The following RGS6 variants were observed in gnomAD, a reference collection of about 807,000 sequenced individuals.
RGS6 encodes regulator of G protein signaling 6, also known as regulator of G-protein signaling 6.
RGS6 carries 30 observed loss-of-function variants against 78.5 expected under a neutral mutation model. The ratio of observed to expected loss-of-function variants is 0.38; its 90% CI spans 0.29 to 0.52. The LOEUF (loss-of-function observed/expected upper bound fraction) is 0.52, where lower values mean the gene tolerates loss of function less well. Among genes scored for constraint, RGS6 ranks in the 20% least tolerant of loss-of-function variants. The probability of loss-of-function intolerance (pLI) is 0.85; values close to 1 mark genes in which losing one functional copy is unlikely to be tolerated. For missense variants in RGS6, 495 were observed against 609.7 expected, an observed-to-expected ratio of 0.81 and a Z score of 1.98; for synonymous variants, 206 against 206.0, an observed-to-expected ratio of 1.00 and a Z score of 0.00.
At chr14:71,956,039 G>C (rs1403027872) in intron 1 of RGS6, among the ~76,000 whole-genome samples, 2 of 152,188 alleles carry the variant, frequency 1.3e-5, no homozygotes, top group African/African-American at 4.8e-5. Flanking sequence ...TTAAATATGA[G>C]CTGGGAAAAG....
At chr14:72,444,198 TAAC>T (rs1463088277) in intron 3 of RGS6, among the ~76,000 whole-genome samples, 3 of 152,148 alleles carry the variant, frequency 2.0e-5, no homozygotes, top group Non-Finnish European at 4.4e-5. Flanking sequence ...TCAGGTGAGA[TAAC>T]AAACCAGGGG....
At chr14:71,944,015 G>T in intron 1 of RGS6, among the ~76,000 whole-genome samples, 1 of 152,188 alleles carries the variant, frequency 6.6e-6, no homozygotes, top group Non-Finnish European at 1.5e-5. Context: ...TAGTGAGACT[G>T]TCATCCTAGT....
intron 3 of RGS6, among the ~76,000 whole-genome samples, chr14:72,409,831 G>C (rs1279914655): frequency 6.6e-6 from 1 of 151,934 alleles, no homozygotes; most frequent in Non-Finnish European, 1.5e-5. Flanking sequence ...TTTTGTTCTT[G>C]CAATAGTTTG....
chr14:72,548,080 A>G (rs370953772), intron 17 of RGS6, among the ~76,000 whole-genome samples: 2 of 151,860 alleles, frequency 1.3e-5, no homozygotes, highest in African/African-American at 4.8e-5. Flanking sequence ...ATGGCAGGGG[A>G]GAGGGTGTAT....
At chr14:72,625,127 T>G in the RGS6 span, among the ~76,000 whole-genome samples, 1 of 152,154 alleles carries the variant, frequency 6.6e-6, no homozygotes, top group Admixed American at 6.5e-5. Context: ...CATCATACTT[T>G]TGCCCACTAA....
chr14:72,509,367 G>GAA (rs574286198), intron 13 of RGS6, among the ~76,000 whole-genome samples: 2,168 of 113,438 alleles, frequency 0.019, 37 homozygotes, highest in African/African-American at 0.053. Context: ...TCCATCTCAA[G>GAA]AAAAAAAAAA....
rs770467490 is a variant in RGS6, at chr14:72,536,175, T to C, written c.1279-11T>C. Reference sequence around the variant, plus strand: ...CCCTTCCTTGTGTCTCCTTGTCACCTTCCTCCCCAGGAGCACATCTACAAG... The same window carrying C: ...CCCTTCCTTGTGTCTCCTTGTCACCCTCCTCCCCAGGAGCACATCTACAAG... On this transcript the variant is annotated splice_polypyrimidine_tract_variant and intron_variant, in intron 15 of 17. Coordinates refer to ENST00000553525, the MANE Select transcript of RGS6 (RefSeq NM_001204424.2). 2 of 1,607,306 alleles carry C rather than the reference T, an allele frequency of 1.2e-6. No homozygotes were observed. The highest frequency in any genetic ancestry group is 1.7e-6 in the Non-Finnish European group (2 of 1,174,148).
intron 17 of RGS6, among the ~76,000 whole-genome samples, chr14:72,545,611 T>G (rs1207837264): frequency 6.6e-6 from 1 of 152,200 alleles, no homozygotes; most frequent in African/African-American, 2.4e-5. Context: ...AGGAGCTGTC[T>G]TCTTGCCCAG....
At chr14:72,072,292 TTG>T (rs1337727950) in intron 2 of RGS6, among the ~76,000 whole-genome samples, 1 of 151,936 alleles carries the variant, frequency 6.6e-6, no homozygotes, top group African/African-American at 2.4e-5. Context: ...GGAAGCTTGT[TTG>T]TGTGTGTGTA....
chr14:72,458,555 G>A (rs1463815073), intron 5 of RGS6, among the ~76,000 whole-genome samples, 178 bp downstream of exon 5: 1 of 152,200 alleles, frequency 6.6e-6, no homozygotes, highest in Non-Finnish European at 1.5e-5. Context: ...TTAGAGAATA[G>A]TAAAAGGCTG....
intron 2 of RGS6, among the ~76,000 whole-genome samples, chr14:72,290,143 A>T (rs557094178): frequency 6.6e-6 from 1 of 152,208 alleles, no homozygotes; most frequent in South Asian, 2.1e-4. Context: ...AAATAAAGAA[A>T]TCGAGATTTT....
At position 72,064,102 on chromosome 14, in the gene RGS6, A is replaced by G. The variant is rs918406291; in HGVS notation, c.84+99227A>G. Among the ~76,000 whole-genome samples the G allele has an allele frequency of 4.6e-5, 7 of 152,102 alleles. No individual in the cohort carries two copies. In the East Asian group the frequency reaches 1.4e-3, roughly 29 times the overall value. ...TAGTTTTGCAATCTGAATAATGTGG[A>G]AGTGGAGATGGGCAGCCGTGCAGTA... is the stretch of plus-strand genomic sequence containing the variant. On this transcript the variant is annotated intron_variant, in intron 2 of 17. Coordinates refer to ENST00000553525, the MANE Select transcript of RGS6 (RefSeq NM_001204424.2).
chr14:71,927,802 C>G (rs986747730), upstream of RGS6, among the ~76,000 whole-genome samples: 1 of 151,652 alleles, frequency 6.6e-6, no homozygotes, highest in African/African-American at 2.4e-5. Context: ...GGACTACAGG[C>G]GCGCGCCACC....
chr14:72,480,564 C>T (rs542854055), intron 12 of RGS6, among the ~76,000 whole-genome samples: 9 of 152,198 alleles, frequency 5.9e-5, no homozygotes, highest in Admixed American at 2.0e-4. Flanking sequence ...CAATGCGACA[C>T]GAGGGTTTTT....
chr14:72,219,205 C>G (rs143831784), intron 2 of RGS6, among the ~76,000 whole-genome samples: 1 of 152,036 alleles, frequency 6.6e-6, no homozygotes, highest in Non-Finnish European at 1.5e-5. Context: ...GGACTGGGAA[C>G]ATGCATGCTG....
At chr14:72,341,294 A>G (rs1270419266) in intron 2 of RGS6, among the ~76,000 whole-genome samples, 1 of 152,128 alleles carries the variant, frequency 6.6e-6, no homozygotes, top group Non-Finnish European at 1.5e-5. Context: ...AAACAACCAG[A>G]TTTCATGAAA....
At chr14:72,480,682 G>A (rs868204996) in intron 12 of RGS6, among the ~76,000 whole-genome samples, 12 of 152,316 alleles carry the variant, frequency 7.9e-5, no homozygotes, top group African/African-American at 2.9e-4. Flanking sequence ...GCTCTGTGAA[G>A]ATGGGGCCAG....
chr14:72,544,195 C>A (rs1430812026), intron 17 of RGS6, among the ~76,000 whole-genome samples: 2 of 152,190 alleles, frequency 1.3e-5, no homozygotes. Context: ...AGCAGCAGCT[C>A]CCTTGTTGAG....
chr14:72,400,771 G>A (rs1056872413), intron 3 of RGS6, among the ~76,000 whole-genome samples: 6 of 152,104 alleles, frequency 3.9e-5, no homozygotes, highest in Admixed American at 1.3e-4. Context: ...CACTTCCGTC[G>A]CTGACAGCCC....
Sources: allele counts gnomAD v4.1 joint callset (sites outside exome capture counted in the v4.1 genomes callset), GRCh38; gene constraint gnomAD v4.1.1; transcripts MANE v1.5; gene names NCBI Gene and HGNC (gene_info 2026-07-23, HGNC 2026-07-21).